ZNF735: variants seen among roughly 807,000 people sequenced by gnomAD.
ZNF735 encodes the protein putative zinc finger protein 735.
Under a neutral mutation model 13.4 loss-of-function variants are expected in ZNF735, and 11 were observed. The ratio of observed to expected loss-of-function variants is 0.82; its 90% CI spans 0.52 to 1.36. The LOEUF is 1.36. Ranked by LOEUF, ZNF735 falls within the 40% of genes most tolerant of loss-of-function variation. The pLI is 0.00. For missense variants in ZNF735, 500 were observed against 484.6 expected (o/e 1.03, Z -0.30); for synonymous variants, 171 against 162.6 (o/e 1.05, Z -0.39).
intron 1 of ZNF735, among the ~76,000 whole-genome samples, chr7:64,208,257 T>TG (rs1787315579): frequency 1.7e-5 from 1 of 60,354 alleles, no homozygotes; most frequent in African/African-American, 6.6e-5. Context: ...TTTTTTTTTT[T>TG]TTTTTTTTTT....
intron 3 of ZNF735, among the ~76,000 whole-genome samples, chr7:64,219,065 T>G (rs1174534870): frequency 6.6e-6 from 1 of 152,174 alleles, no homozygotes; most frequent in Non-Finnish European, 1.5e-5. Flanking sequence ...AGCAGACTTT[T>G]CTCTATATAT....
At chr7:64,210,588 A>G (rs548862913) in intron 1 of ZNF735, among the ~76,000 whole-genome samples, 2 of 152,310 alleles carry the variant, frequency 1.3e-5, no homozygotes, top group Admixed American at 6.5e-5. Flanking sequence ...CAACCTTTGC[A>G]TCAAAGGAAG....
At chr7:64,208,299 C>T (rs1787316827) in intron 1 of ZNF735, among the ~76,000 whole-genome samples, 1 of 126,194 alleles carries the variant, frequency 7.9e-6, no homozygotes, top group Non-Finnish European at 1.6e-5. Flanking sequence ...ACTCTGTCCT[C>T]CAGGCTGGAG....
intron 3 of ZNF735, among the ~76,000 whole-genome samples, chr7:64,215,066 T>C (rs1476808479): frequency 8.1e-6 from 1 of 123,556 alleles, no homozygotes; most frequent in Non-Finnish European, 1.6e-5. Context: ...TTCTTTTTTC[T>C]TTTTTTTTTT....
chr7:64,207,207 C>T (rs773989819), exon 1 of ZNF735: 2 of 1,614,152 alleles, frequency 1.2e-6, no homozygotes, highest in East Asian at 2.2e-5. Flanking sequence ...AGATTTATGG[C>T]TAAAAGACCG....
intron 3 of ZNF735, among the ~76,000 whole-genome samples, chr7:64,215,176 C>T (rs1254784126): frequency 2.0e-5 from 3 of 151,932 alleles, no homozygotes; most frequent in African/African-American, 7.3e-5. Context: ...ATTCTCCTGC[C>T]TCAGTCTCCT....
intron 3 of ZNF735, among the ~76,000 whole-genome samples, chr7:64,218,672 A>T (rs954254981): frequency 6.6e-6 from 1 of 151,936 alleles, no homozygotes; most frequent in Non-Finnish European, 1.5e-5. Context: ...TGATTGGACC[A>T]TGTTGCCCAA....
chr7:64,207,328 C>T, intron 1 of ZNF735, 87 bp downstream of exon 1: 4 of 1,612,626 alleles, frequency 2.5e-6, no homozygotes, highest in East Asian at 2.2e-5. Context: ...CATACTTCCT[C>T]GCAGTCAGCT....
At chr7:64,207,338 T>C in intron 1 of ZNF735, 97 bp downstream of exon 1, 1 of 1,610,432 alleles carries the variant, frequency 6.2e-7, no homozygotes, top group Non-Finnish European at 8.5e-7. Context: ...CGCAGTCAGC[T>C]CCGGAGTCTG....
chr7:64,207,524 A>G (rs1787303556), intron 1 of ZNF735, among the ~76,000 whole-genome samples: 1 of 152,076 alleles, frequency 6.6e-6, no homozygotes, highest in Non-Finnish European at 1.5e-5. Flanking sequence ...TCTCATCCAG[A>G]TTGTACAGGG....
intron 3 of ZNF735, among the ~76,000 whole-genome samples, chr7:64,214,818 G>A (rs898043140): frequency 2.0e-5 from 3 of 150,574 alleles, no homozygotes; most frequent in African/African-American, 7.3e-5. Context: ...TTTTATGATG[G>A]CTGCATCTTT....
chr7:64,208,073 A>T (rs1042941866), intron 1 of ZNF735, among the ~76,000 whole-genome samples: 53 of 151,972 alleles, frequency 3.5e-4, no homozygotes, highest in African/African-American at 1.3e-3. Flanking sequence ...GTCTGTTATA[A>T]GTTGCATGAT....
At chr7:64,220,029 A>G in exon 4 of ZNF735, 3 of 1,612,880 alleles carry the variant, frequency 1.9e-6, no homozygotes, top group Non-Finnish European at 1.7e-6. Flanking sequence ...AACCCTACAC[A>G]TGTGAAGAAT....
At chr7:64,209,690 C>G (rs1787334390) in intron 1 of ZNF735, among the ~76,000 whole-genome samples, 1 of 152,006 alleles carries the variant, frequency 6.6e-6, no homozygotes, top group African/African-American at 2.4e-5. Flanking sequence ...TTGGTTATTT[C>G]TTGACTTTTG....
At chr7:64,214,767 A>G (rs1188094827) in intron 3 of ZNF735, among the ~76,000 whole-genome samples, 1 of 151,928 alleles carries the variant, frequency 6.6e-6, no homozygotes, top group Non-Finnish European at 1.5e-5. Flanking sequence ...GTATTATATA[A>G]TAATTTCATT....
chr7:64,216,994 G>A (rs1378869693), intron 3 of ZNF735, among the ~76,000 whole-genome samples: 1 of 152,164 alleles, frequency 6.6e-6, no homozygotes, highest in East Asian at 1.9e-4. Context: ...GCTTTTGACT[G>A]GAGAGTTCTG....
At chr7:64,210,751 C>T (rs1026211237) in intron 1 of ZNF735, among the ~76,000 whole-genome samples, 1 of 152,078 alleles carries the variant, frequency 6.6e-6, no homozygotes, top group East Asian at 1.9e-4. Context: ...ATTGTTCTCT[C>T]ATTGCTCTTA....
chr7:64,213,156 A>C (rs1392604515), exon 2 of ZNF735: 15 of 1,613,142 alleles, frequency 9.3e-6, no homozygotes, highest in Non-Finnish European at 1.3e-5. Flanking sequence ...TGCCTGGATC[A>C]TGCTCAGCAG....
intron 2 of ZNF735, 138 bp downstream of exon 2, chr7:64,213,356 A>G (rs1787383134): frequency 1.1e-6 from 1 of 875,394 alleles, no homozygotes; most frequent in Non-Finnish European, 1.7e-6. Flanking sequence ...ATTGGTGTAG[A>G]TTAAATTCTT....
Sources: allele counts gnomAD v4.1 joint callset (sites outside exome capture counted in the v4.1 genomes callset), GRCh38; gene constraint gnomAD v4.1.1; transcripts MANE v1.5; gene names NCBI Gene and HGNC (gene_info 2026-07-23, HGNC 2026-07-21).